The following PAM variants were observed in gnomAD, a reference collection of about 807,000 sequenced individuals.
The protein encoded by PAM is peptidylglycine alpha-amidating monooxygenase, also known as peptidyl-glycine alpha-amidating monooxygenase.
PAM carries 72 observed loss-of-function variants against 122.1 expected under a neutral mutation model. The observed-to-expected ratio is 0.59, with a 90% CI of 0.49 to 0.72. PAM has a LOEUF of 0.72. PAM is among the 30% of genes least tolerant of loss of function. The pLI is 0.00. For missense variants in PAM, 1,106 were observed against 1,183.7 expected (o/e 0.93, Z 0.96); for synonymous variants, 389 against 404.4 (o/e 0.96, Z 0.46).
chr5:102,769,349 T>G (rs191372328), intron 1 of PAM, among the ~76,000 whole-genome samples: 128 of 152,312 alleles, frequency 8.4e-4, no homozygotes, highest in African/African-American at 3.0e-3. Context: ...AGAAGCTTTT[T>G]GACTTGATGT....
intron 14 of PAM, among the ~76,000 whole-genome samples, chr5:102,966,334 C>T (rs945529839): frequency 6.6e-6 from 1 of 152,064 alleles, no homozygotes; most frequent in African/African-American, 2.4e-5. Context: ...CACAGTTAGG[C>T]TTTCCAATAT....
rs930798266 is a variant in PAM at position 103,017,334 on chromosome 5, C to T, written c.2332C>T (p.His778Tyr). ...AATGTGTAGCTTCTTATTTTGGCAG[C>T]ACTTTGATATGCCTCATGATATTGT... ...IIDIFKPVRK[H>Y]FDMPHDIVAS... The change falls in exon 22 of 26, where the codon CAC becomes TAC. Residue 778 changes from histidine to tyrosine, a missense_variant and splice_region_variant. This residue lies in a region of PAM where 333 missense variants were observed against 335.6 expected (regional missense o/e 0.99). Coordinates refer to ENST00000438793, the MANE Select transcript of PAM (RefSeq NM_001177306.2). 2.3e-5 allele frequency: 36 copies of T among 1,595,146 alleles called. No homozygotes were observed. Among genetic ancestry groups the T allele is most frequent in the Non-Finnish European group, 3.1e-5 (36 of 1,163,278 alleles).
At chr5:102,760,243 A>G (rs1319332643) in intron 1 of PAM, among the ~76,000 whole-genome samples, 1 of 152,230 alleles carries the variant, frequency 6.6e-6, no homozygotes, top group Admixed American at 6.5e-5. Flanking sequence ...AATGCAGATC[A>G]TCAAGTATCT....
intron 1 of PAM, chr5:102,837,782 A>G (rs1014319713): frequency 6.6e-6 from 1 of 152,206 alleles, no homozygotes; most frequent in Non-Finnish European, 1.5e-5. Context: ...TAAGCTACAA[A>G]GTGAAATTAG....
At chr5:102,917,150 T>C (rs1745723982) in intron 5 of PAM, among the ~76,000 whole-genome samples, 1 of 152,210 alleles carries the variant, frequency 6.6e-6, no homozygotes, top group Non-Finnish European at 1.5e-5. Flanking sequence ...GAACTTTCAG[T>C]TGCTTCACAG....
intron 1 of PAM, among the ~76,000 whole-genome samples, chr5:102,834,143 A>G (rs1467258387): frequency 6.6e-6 from 1 of 152,186 alleles, no homozygotes; most frequent in Non-Finnish European, 1.5e-5. Flanking sequence ...TTACTGATAT[A>G]CTAGGCATAT....
intron 1 of PAM, among the ~76,000 whole-genome samples, chr5:102,779,918 TACACAC>T (rs1554059721): frequency 6.2e-4 from 59 of 95,574 alleles, no homozygotes; most frequent in South Asian, 7.4e-4. Flanking sequence ...TATATATATA[TACACAC>T]ATATATATAT....
chr5:102,899,345 A>AT (rs1483637487), intron 3 of PAM, among the ~76,000 whole-genome samples: 2 of 151,446 alleles, frequency 1.3e-5, no homozygotes, highest in African/African-American at 4.8e-5. Context: ...CATTGACTTA[A>AT]TTTTTTAAAT....
At chr5:102,938,381 G>C (rs1272406628) in intron 7 of PAM, among the ~76,000 whole-genome samples, 1 of 152,092 alleles carries the variant, frequency 6.6e-6, no homozygotes, top group African/African-American at 2.4e-5. Flanking sequence ...GATATGTAAA[G>C]CACTACAGTT....
chr5:103,013,608 G>C (rs537925292), intron 21 of PAM, among the ~76,000 whole-genome samples: 1 of 152,092 alleles, frequency 6.6e-6, no homozygotes, highest in African/African-American at 2.4e-5. Flanking sequence ...AGTAACGGTG[G>C]TAAAAGTAAA....
At chr5:102,766,926 ATTTTTTTTTTT>A in intron 1 of PAM, among the ~76,000 whole-genome samples, 2,635 of 25,948 alleles carry the variant, frequency 0.1, 229 homozygotes, top group African/African-American at 0.21. Flanking sequence ...TCAGTTGTGG[ATTTTTTTTTTT>A]TTTTTTTTTT....
chr5:102,819,181 T>G (rs1770895526), intron 1 of PAM, among the ~76,000 whole-genome samples: 1 of 152,152 alleles, frequency 6.6e-6, no homozygotes, highest in Non-Finnish European at 1.5e-5. Context: ...AAACCTTACA[T>G]TATAATTGTA....
intron 1 of PAM, among the ~76,000 whole-genome samples, chr5:102,804,092 A>G (rs1206618445): frequency 6.6e-6 from 1 of 152,144 alleles, no homozygotes; most frequent in Non-Finnish European, 1.5e-5. Context: ...GTAAGAGCAC[A>G]GGCCTGGAGG....
rs1375044496 is a variant in PAM, at chr5:103,029,233, TGAG to T, written c.*172_*174del. 6.5e-6 allele frequency: 3 copies of T among 463,966 alleles called. No individual in the cohort carries two copies. Among genetic ancestry groups the T allele is most frequent in the Non-Finnish European group, 1.1e-5 (3 of 272,092 alleles). 28.7% of individuals were successfully genotyped at this position (463,966 alleles called of 1,614,324 possible). On this transcript the variant is annotated 3_prime_UTR_variant, in exon 26 of 26. Coordinates refer to ENST00000438793, the MANE Select transcript of PAM (RefSeq NM_001177306.2). ...GGTTAAGTTGGCTTCTGTTTCTAGT[TGAG>T]GAGTTTCCTAAAAGTTCATAACAGT...
intron 3 of PAM, among the ~76,000 whole-genome samples, chr5:102,868,093 A>G (rs905165469): frequency 3.9e-5 from 6 of 152,188 alleles, no homozygotes; most frequent in Admixed American, 3.9e-4. Flanking sequence ...TAAAAAGGCC[A>G]GAATTAATTA....
intron 4 of PAM, 32 bp from the exon 5 acceptor site, chr5:102,913,902 A>T (rs575313648): frequency 1.2e-5 from 15 of 1,220,822 alleles, no homozygotes; most frequent in Non-Finnish European, 1.6e-5. Context: ...TGTAACTTGT[A>T]TTCACATACA....
At chr5:103,005,596 C>T (rs1778717751) in intron 18 of PAM, among the ~76,000 whole-genome samples, 1 of 152,150 alleles carries the variant, frequency 6.6e-6, no homozygotes, top group African/African-American at 2.4e-5. Context: ...TCTTATGGCA[C>T]TAATCCCATT....
intron 15 of PAM, among the ~76,000 whole-genome samples, chr5:102,980,896 TACTAAG>T (rs1223589377): frequency 6.6e-6 from 1 of 152,192 alleles, no homozygotes; most frequent in Non-Finnish European, 1.5e-5. Flanking sequence ...AAACATTCAG[TACTAAG>T]AGAACCAGGT....
At chr5:102,804,405 G>A (rs780174286) in intron 1 of PAM, among the ~76,000 whole-genome samples, 2 of 152,174 alleles carry the variant, frequency 1.3e-5, no homozygotes, top group African/African-American at 2.4e-5. Context: ...AGCTAGAGGG[G>A]CAGTAGTGGG....
Sources: allele counts gnomAD v4.1 joint callset (sites outside exome capture counted in the v4.1 genomes callset), GRCh38; gene constraint gnomAD v4.1.1; regional missense constraint gnomAD v4.1.1; transcripts MANE v1.5; gene names NCBI Gene and HGNC (gene_info 2026-07-23, HGNC 2026-07-21).